The following IMMP2L variants were observed in gnomAD, a reference collection of about 807,000 sequenced individuals.
IMMP2L encodes mitochondrial inner membrane protease subunit 2.
A neutral mutation model predicts 19.3 loss-of-function variants in IMMP2L; 18 were observed. The observed-to-expected ratio is 0.93, with a 90% CI of 0.64 to 1.38. IMMP2L has a LOEUF of 1.38. IMMP2L is among the 40% of genes most tolerant of loss of function. The pLI, the probability that IMMP2L is intolerant of heterozygous loss-of-function variation, is 0.00. For synonymous variants in IMMP2L, 76 were observed against 73.0 expected (o/e 1.04, Z -0.21); for missense variants, 233 against 218.2 (o/e 1.07, Z -0.43).
intron 3 of IMMP2L, among the ~76,000 whole-genome samples, chr7:111,206,224 A>G (rs994150231): frequency 2.0e-5 from 3 of 152,180 alleles, no homozygotes; most frequent in African/African-American, 4.8e-5. Flanking sequence ...CCCTTAGAAC[A>G]CTAGATAGTG....
At chr7:110,912,663 A>G (rs1286518668) in intron 4 of IMMP2L, among the ~76,000 whole-genome samples, 1 of 152,026 alleles carries the variant, frequency 6.6e-6, no homozygotes. Flanking sequence ...TATAAAATTC[A>G]GTATTTGGGT....
intron 3 of IMMP2L, among the ~76,000 whole-genome samples, chr7:111,329,975 C>A (rs1207826156): frequency 6.6e-6 from 1 of 151,716 alleles, no homozygotes; most frequent in Non-Finnish European, 1.5e-5. Flanking sequence ...AATGGCAAGA[C>A]ACTGGCAAGA....
At chr7:110,968,228 T>C (rs1228104566) in intron 3 of IMMP2L, among the ~76,000 whole-genome samples, 1 of 151,414 alleles carries the variant, frequency 6.6e-6, no homozygotes, top group East Asian at 1.9e-4. Context: ...GACCATCAAA[T>C]CTGGCTTACA....
chr7:110,860,991 T>TA (rs5886582), intron 5 of IMMP2L, among the ~76,000 whole-genome samples: 89,959 of 151,100 alleles, frequency 0.6, 28,750 homozygotes, highest in East Asian at 0.84. Context: ...ATTTACTGAT[T>TA]AAAAAAATTA....
chr7:110,991,665 A>G (rs1822470501), intron 3 of IMMP2L, among the ~76,000 whole-genome samples: 1 of 152,148 alleles, frequency 6.6e-6, no homozygotes, highest in African/African-American at 2.4e-5. Flanking sequence ...GACTCTGCTA[A>G]TTGCTTAGGA....
chr7:111,135,166 G>T (rs1382285412), intron 3 of IMMP2L, among the ~76,000 whole-genome samples: 1 of 151,930 alleles, frequency 6.6e-6, no homozygotes, highest in Non-Finnish European at 1.5e-5. Flanking sequence ...GAAACCAGAA[G>T]ATATAAAACA....
chr7:111,432,280 T>C (rs1009201382), intron 3 of IMMP2L, among the ~76,000 whole-genome samples: 4 of 151,712 alleles, frequency 2.6e-5, no homozygotes, highest in African/African-American at 7.3e-5. Context: ...TGATGATTGT[T>C]GTGGTGTTAG....
At chr7:110,990,077 G>C (rs1035296516) in intron 3 of IMMP2L, among the ~76,000 whole-genome samples, 5 of 152,016 alleles carry the variant, frequency 3.3e-5, no homozygotes, top group Non-Finnish European at 4.4e-5. Context: ...GCACAAAGCA[G>C]CAACAGCAAA....
intron 3 of IMMP2L, among the ~76,000 whole-genome samples, chr7:110,992,952 T>C (rs1276862533): frequency 6.6e-6 from 1 of 152,112 alleles, no homozygotes; most frequent in Non-Finnish European, 1.5e-5. Flanking sequence ...TTAGTGAGAA[T>C]TCATTGCATC....
intron 3 of IMMP2L, among the ~76,000 whole-genome samples, chr7:111,237,843 A>G (rs1814518080): frequency 6.6e-6 from 1 of 152,032 alleles, no homozygotes; most frequent in Admixed American, 6.6e-5. Context: ...TTCAAGATAA[A>G]TAACACCTCT....
intron 4 of IMMP2L, among the ~76,000 whole-genome samples, chr7:110,930,907 C>T (rs1365009117): frequency 6.6e-6 from 1 of 152,162 alleles, no homozygotes; most frequent in Admixed American, 6.5e-5. Flanking sequence ...CTTTAGTACC[C>T]AGCAAAGTGC....
In IMMP2L at chr7:111,123,534, T is replaced by C; in HGVS notation, c.240-159969A>G. 6.2e-7 allele frequency: 1 copy of C among 1,613,960 alleles called. No homozygotes were observed. The highest frequency in any genetic ancestry group is 8.5e-7 in the Non-Finnish European group (1 of 1,179,956). On this transcript the variant is annotated intron_variant, in intron 3 of 5. Coordinates refer to ENST00000405709, the MANE Select transcript of IMMP2L (RefSeq NM_032549.4). The surrounding 1 kb of genome is among the most constrained non-coding windows in gnomAD (Gnocchi z 6.4). ...ACAGGCTTATTAAAGTACCCCATGT[T>C]GCTCTTCAAAAAGTTGTAAATCTCA... is the stretch of plus-strand genomic sequence containing the variant.
At chr7:110,858,403 C>T (rs965500754) in intron 5 of IMMP2L, among the ~76,000 whole-genome samples, 3 of 151,998 alleles carry the variant, frequency 2.0e-5, no homozygotes, top group African/African-American at 7.2e-5. Context: ...TTTAATCAAA[C>T]TCCTTGGACT....
At chr7:111,148,087 CA>C (rs1803676049) in intron 3 of IMMP2L, among the ~76,000 whole-genome samples, 1 of 151,902 alleles carries the variant, frequency 6.6e-6, no homozygotes, top group African/African-American at 2.4e-5. Flanking sequence ...TCATATCAGG[CA>C]AAAAATAGAA....
intron 1 of IMMP2L, among the ~76,000 whole-genome samples, chr7:111,556,035 T>TATATATATATATACAC (rs1554550178): frequency 1.4e-4 from 19 of 135,734 alleles, no homozygotes; most frequent in African/African-American, 5.2e-4. Context: ...TATATATATA[T>TATATATATATATACAC]ACATACCCAA....
At chr7:110,734,843 C>T (rs1796512145) in intron 5 of IMMP2L, among the ~76,000 whole-genome samples, 1 of 152,074 alleles carries the variant, frequency 6.6e-6, no homozygotes, top group Non-Finnish European at 1.5e-5. Flanking sequence ...GTAAGAAAGG[C>T]TATAGAGAAG....
intron 5 of IMMP2L, among the ~76,000 whole-genome samples, chr7:110,753,753 GGT>G (rs948670332): frequency 4.1e-5 from 6 of 147,040 alleles, no homozygotes; most frequent in African/African-American, 1.0e-4. Flanking sequence ...GTGAGTGTGG[GGT>G]GTGTGTGTGT....
At chr7:111,500,345 G>GGCCT (rs1383363171) in intron 2 of IMMP2L, among the ~76,000 whole-genome samples, 1 of 152,186 alleles carries the variant, frequency 6.6e-6, no homozygotes, top group African/African-American at 2.4e-5. Context: ...AGCTCAAGGA[G>GGCCT]GCCTGCCTGC....
intron 3 of IMMP2L, among the ~76,000 whole-genome samples, chr7:111,460,409 A>G (rs1840038191): frequency 6.6e-6 from 1 of 152,166 alleles, no homozygotes; most frequent in Non-Finnish European, 1.5e-5. Flanking sequence ...AAGCTAACTT[A>G]ATGCCAACAA....
Sources: gnomAD v4.1 joint callset for allele counts (sites outside exome capture counted in the v4.1 genomes callset) on GRCh38, gnomAD v4.1.1 for gene constraint, Gnocchi (gnomAD v3.1) non-coding constraint, MANE v1.5 for transcripts, NCBI Gene and HGNC (gene_info 2026-07-23, HGNC 2026-07-21) for gene names.